Variants in CFAP70 observed in about 807,000 individuals in gnomAD.
CFAP70 encodes cilia and flagella associated protein 70.
CFAP70 carries 81 observed loss-of-function variants against 137.6 expected under a neutral mutation model. The ratio of observed to expected loss-of-function variants is 0.59; its 90% CI spans 0.49 to 0.71. The LOEUF (loss-of-function observed/expected upper bound fraction) is 0.71, where lower values mean the gene tolerates loss of function less well. Among genes scored for constraint, CFAP70 ranks in the 30% least tolerant of loss-of-function variants. CFAP70 has a pLI of 0.00. For synonymous variants in CFAP70, 382 were observed against 423.6 expected, an observed-to-expected ratio of 0.90 and a Z score of 1.20; for missense variants, 976 against 1,226.7, an observed-to-expected ratio of 0.80 and a Z score of 3.05.
chr10:73,362,342 T>C (rs1225246279), upstream of CFAP70, among the ~76,000 whole-genome samples: 3 of 152,162 alleles, frequency 2.0e-5, 1 homozygote, highest in Admixed American at 6.5e-5. Context: ...CATTGCAATA[T>C]TGATAGAGAT....
intron 12 of CFAP70, among the ~76,000 whole-genome samples, chr10:73,308,557 G>A (rs2049600799): frequency 6.6e-6 from 1 of 151,056 alleles, no homozygotes; most frequent in African/African-American, 2.4e-5. Flanking sequence ...GAACCCAGGA[G>A]GCAGAGGTTG....
Position 73,322,566 on chromosome 10 carries a change from T to TAAA in CFAP70, c.912+394_912+396dup, listed in dbSNP as rs143744938. 5.7e-3 allele frequency among the ~76,000 whole-genome samples: 599 copies of TAAA among 105,614 alleles called. 13 individuals are homozygous for TAAA. Among genetic ancestry groups the TAAA allele is most frequent in the African/African-American group, 0.016 (445 of 27,810 alleles). The allele number at this position is 105,614 out of a possible 152,430, so 69.3% of individuals were successfully genotyped here. On this transcript the variant is annotated intron_variant, in intron 9 of 26. Transcript: ENST00000310715. ...CACTCCAAAGTGAGACCCACATCTC[T>TAAA]AAAAAAAAAAAAAAAAAAAAAGTAC... is the stretch of plus-strand genomic sequence containing the variant.
chr10:73,268,852 T>A (rs2046002010), intron 25 of CFAP70, among the ~76,000 whole-genome samples: 2 of 151,900 alleles, frequency 1.3e-5, no homozygotes, highest in South Asian at 4.2e-4. Flanking sequence ...TCCCCACCAT[T>A]CCTGGCTAAT....
rs1463864089 is a variant in CFAP70, at chr10:73,334,754, A to G, written c.677+676T>C. ...ACCACCATGCCCAGCTAATTTTTGT[A>G]TTTTTAGTAGAGACGGGGTTTCACC... On this transcript the variant is annotated intron_variant, in intron 7 of 26. Transcript: ENST00000310715. Among the ~76,000 whole-genome samples the G allele has an allele frequency of 2.6e-5, 4 of 151,386 alleles. No homozygotes were observed. The South Asian group carries it at 6.3e-4, about 24-fold the overall frequency.
chr10:73,348,954 C>T (rs935854449), intron 3 of CFAP70, among the ~76,000 whole-genome samples: 14 of 151,292 alleles, frequency 9.3e-5, no homozygotes, highest in African/African-American at 3.4e-4. Flanking sequence ...CCCAGCTACT[C>T]GGGAGACCGA....
chr10:73,324,798 A>G (rs2051232969), intron 8 of CFAP70, among the ~76,000 whole-genome samples: 1 of 152,184 alleles, frequency 6.6e-6, no homozygotes, highest in Non-Finnish European at 1.5e-5. Context: ...AAAGAATAAA[A>G]AGAAACAAAC....
intron 10 of CFAP70, among the ~76,000 whole-genome samples, chr10:73,312,272 G>A (rs537818483): frequency 2.9e-4 from 44 of 152,202 alleles, no homozygotes; most frequent in Non-Finnish European, 4.4e-5. Flanking sequence ...CCTAGATGGC[G>A]GGTTGACAGG....
chr10:73,307,989 CAAAA>C lies in CFAP70; in HGVS notation c.1256+2165_1256+2168del, dbSNP rs371058579. Among the ~76,000 whole-genome samples the C allele has an allele frequency of 1.1e-3, 91 of 80,064 alleles. 1 individual carries two copies. Among genetic ancestry groups the C allele is most frequent in the African/African-American group, 2.5e-3 (68 of 26,764 alleles). 52.5% of individuals were successfully genotyped at this position (80,064 alleles called of 152,430 possible). ...GTGAAACTCCATCTCTACTAAAATA[CAAAA>C]AAAAAAAAAAAAAATGCTGGGTGCA... is the stretch of plus-strand genomic sequence containing the variant. On this transcript the variant is annotated intron_variant, in intron 12 of 26. Coordinates refer to ENST00000310715, the Ensembl canonical transcript of CFAP70.
chr10:73,283,191 G>T (rs1246499059), intron 19 of CFAP70, among the ~76,000 whole-genome samples: 1 of 152,092 alleles, frequency 6.6e-6, no homozygotes, highest in African/African-American at 2.4e-5. Flanking sequence ...TTCTGTCATG[G>T]TCTGAGATCA....
At chr10:73,337,036 C>G (rs1489138631) in intron 6 of CFAP70, among the ~76,000 whole-genome samples, 3 of 152,014 alleles carry the variant, frequency 2.0e-5, no homozygotes, top group African/African-American at 7.3e-5. Flanking sequence ...CTCAAAAATA[C>G]ACCACAAAGT....
intron 6 of CFAP70, among the ~76,000 whole-genome samples, chr10:73,341,019 A>G (rs374327185): frequency 2.6e-5 from 4 of 152,326 alleles, no homozygotes; most frequent in African/African-American, 9.6e-5. Flanking sequence ...GCATCATGGC[A>G]GGAGCTGCTC....
intron 11 of CFAP70, among the ~76,000 whole-genome samples, chr10:73,311,398 C>T (rs962756590): frequency 6.6e-6 from 1 of 152,138 alleles, no homozygotes; most frequent in Non-Finnish European, 1.5e-5. Flanking sequence ...TAGACTTCCC[C>T]ATCCTAATAT....
upstream of CFAP70, among the ~76,000 whole-genome samples, chr10:73,360,034 A>G (rs2054945623): frequency 6.6e-6 from 1 of 152,220 alleles, no homozygotes. Context: ...TAAATTCAAT[A>G]TGTATCTCTG....
At chr10:73,298,599 T>C (rs7096420) in intron 14 of CFAP70, among the ~76,000 whole-genome samples, 16,065 of 152,242 alleles carry the variant, frequency 0.11, 1,223 homozygotes, top group East Asian at 0.3. Context: ...GAATTAATTA[T>C]GGAGTCAGTA....
At chr10:73,280,185 C>T (rs1021464273) in intron 19 of CFAP70, among the ~76,000 whole-genome samples, 5 of 151,958 alleles carry the variant, frequency 3.3e-5, no homozygotes, top group African/African-American at 1.2e-4. Flanking sequence ...ATTATTGTGT[C>T]TAACCAGGTG....
At chr10:73,311,990 A>G (rs2049958011) in intron 10 of CFAP70, 76 bp from the exon 12 acceptor site, 1 of 1,113,602 alleles carries the variant, frequency 9.0e-7, no homozygotes, top group Non-Finnish European at 1.3e-6. Context: ...TGTTCTCTAC[A>G]CTGCATCAAA....
At position 73,297,184 on chromosome 10, in the gene CFAP70, C is replaced by T; in HGVS notation, c.1513-11G>A. On this transcript the variant is annotated splice_polypyrimidine_tract_variant and intron_variant, in intron 14 of 26. Transcript: ENST00000310715. ...CTTTACCACAGCATGCTGCAAGACA[C>T]ACAGATCACCCATCTGATAATACAG... 2 of 1,609,076 alleles carry T rather than the reference C, an allele frequency of 1.2e-6. No individual in the cohort carries two copies. The highest frequency in any genetic ancestry group is 1.7e-6 in the Non-Finnish European group (2 of 1,177,632).
intron 25 of CFAP70, among the ~76,000 whole-genome samples, chr10:73,258,804 C>T (rs757929453): frequency 1.6e-4 from 25 of 152,222 alleles, no homozygotes; most frequent in South Asian, 4.1e-4. Flanking sequence ...TGAAAAAAGC[C>T]CCGGTTTCCT....
chr10:73,316,487 G>GAGATAT (rs1554903331), intron 9 of CFAP70, among the ~76,000 whole-genome samples: 1 of 100,946 alleles, frequency 9.9e-6, no homozygotes, highest in Non-Finnish European at 1.9e-5. Context: ...TATAGATATA[G>GAGATAT]ATATATATAT....
Sources: gnomAD v4.1 joint callset for allele counts (sites outside exome capture counted in the v4.1 genomes callset) on GRCh38, gnomAD v4.1.1 for gene constraint, MANE v1.5 for transcripts, NCBI Gene and HGNC (gene_info 2026-07-23, HGNC 2026-07-21) for gene names.